The following TFIP11 variants were observed in gnomAD, a reference collection of about 807,000 sequenced individuals.
The protein encoded by TFIP11 is tuftelin-interacting protein 11.
Under a neutral mutation model 96.8 loss-of-function variants are expected in TFIP11, and 86 were observed. That is an observed-to-expected ratio of 0.89 (90% CI 0.75 to 1.06). The LOEUF is 1.06. Ranked by LOEUF, TFIP11 falls within the 50% of genes least tolerant of loss-of-function variation. The pLI is 0.00. For missense variants in TFIP11, 881 were observed against 1,076.7 expected, an observed-to-expected ratio of 0.82 and a Z score of 2.54; for synonymous variants, 405 against 395.2, an observed-to-expected ratio of 1.02 and a Z score of -0.29.
At chr22:26,496,413 C>G (rs1922053696) in intron 11 of TFIP11, 97 bp from the exon 12 acceptor site, 1 of 1,471,572 alleles carries the variant, frequency 6.8e-7, no homozygotes, top group Non-Finnish European at 9.1e-7. Context: ...TGGAGGAGGC[C>G]CTGTGCTCTC....
At chr22:26,510,407 G>T in intron 3 of TFIP11, 126 bp from the exon 4 acceptor site, 1 of 849,162 alleles carries the variant, frequency 1.2e-6, no homozygotes, top group Non-Finnish European at 1.8e-6. Context: ...ATTAAAGTCA[G>T]CATTACTATT....
rs1399689316 is a variant in TFIP11, at chr22:26,493,937, C to G, written c.2158+202G>C. The G allele has an allele frequency of 2.8e-5, 16 of 567,270 alleles. No homozygotes were observed. The South Asian group carries it at 3.1e-4, about 11-fold the overall frequency. The allele number at this position is 567,270 out of a possible 1,614,324, so 35.1% of individuals were successfully genotyped here. On this transcript the variant is annotated intron_variant, in intron 14 of 14. Coordinates refer to ENST00000407690, the MANE Select transcript of TFIP11 (RefSeq NM_012143.4). Reference sequence around the variant, plus strand: ...GTCTCCACTCAGGGAAGATGCCCCTCTCAGTCATGGTAGACCTGGGCAGTG... The same window carrying G: ...GTCTCCACTCAGGGAAGATGCCCCTGTCAGTCATGGTAGACCTGGGCAGTG...
intron 7 of TFIP11, among the ~76,000 whole-genome samples, chr22:26,502,559 C>T (rs908827026): frequency 6.6e-6 from 1 of 152,172 alleles, no homozygotes; most frequent in African/African-American, 2.4e-5. Flanking sequence ...CAGCCCAGGA[C>T]GGCTCTGAAT....
At chr22:26,499,922 G>C (rs1922570867) in intron 8 of TFIP11, among the ~76,000 whole-genome samples, 1 of 152,174 alleles carries the variant, frequency 6.6e-6, no homozygotes, top group South Asian at 2.1e-4. Context: ...AGTATTAGTA[G>C]ATGTGAAAAT....
At chr22:26,495,066 A>G in intron 12 of TFIP11, 127 bp from the exon 13 acceptor site, 1 of 1,268,408 alleles carries the variant, frequency 7.9e-7, no homozygotes, top group South Asian at 1.4e-5. Context: ...GGTTCAAGTG[A>G]CTCTTGTGCC....
intron 6 of TFIP11, 53 bp from the exon 7 acceptor site, chr22:26,503,846 G>GT: frequency 6.3e-7 from 1 of 1,597,590 alleles, no homozygotes; most frequent in Non-Finnish European, 8.5e-7. Context: ...AGCAATTCAT[G>GT]TATGTGAATC....
rs747412650 is a variant in TFIP11, at chr22:26,492,277, C to T, written c.2250G>A (p.Glu750=). Residue 750 remains glutamate (E), a synonymous_variant, in exon 15 of 15, where the codon GAG becomes GAA. Coordinates refer to ENST00000407690, the MANE Select transcript of TFIP11 (RefSeq NM_012143.4). ...RKDFQYEAMQ[E]RREAENMAQR... ...GAGCCATGTTCTCAGCCTCCCGCCT[C>T]TCCTGCATGGCCTCGTACTGGAAGT... The T allele has an allele frequency of 1.9e-6, 3 of 1,614,246 alleles. No individual in the cohort carries two copies. In the South Asian group the frequency reaches 3.3e-5, roughly 18 times the overall value.
At chr22:26,504,630 A>T (rs1351771340) in intron 6 of TFIP11, among the ~76,000 whole-genome samples, 2 of 152,156 alleles carry the variant, frequency 1.3e-5, no homozygotes, top group Admixed American at 1.3e-4. Flanking sequence ...ATGCCATGCC[A>T]TTGCACTCTA....
At position 26,503,678 on chromosome 22, in the gene TFIP11, T is replaced by C. The variant is rs576060276; in HGVS notation, c.636A>G (p.Glu212=). Residue 212 remains glutamate, a synonymous_variant, in exon 7 of 15, where the codon GAA becomes GAG. Transcript: ENST00000407690. ...GACTTCCAGTTACCTCTTCAGCTTC[T>C]TCCTCTGAGTCAACCACAGGGAAGT... The part of the protein sequence containing the change: ...MQDFPVVDSE[E]EAEEEFQKEL... 8 of 1,614,142 alleles carry C rather than the reference T, an allele frequency of 5.0e-6. No individual in the cohort carries two copies. In the East Asian group the frequency reaches 1.3e-4, roughly 27 times the overall value.
chr22:26,492,838 G>C (rs1188016761), intron 14 of TFIP11: 2 of 171,136 alleles, frequency 1.2e-5, no homozygotes, highest in African/African-American at 4.8e-5. Context: ...GCTGAAATGA[G>C]TGTTTAAAGG....
intron 2 of TFIP11, chr22:26,511,051 T>C (rs1923989400): frequency 6.6e-6 from 1 of 152,234 alleles, no homozygotes; most frequent in Admixed American, 6.5e-5. Flanking sequence ...GTCAGGGTTC[T>C]CTAGAGCGAC....
rs758342275 is a variant in TFIP11 at position 26,492,017 on chromosome 22, T to G, written c.2510A>C (p.Lys837Thr). ...TSLQSLIDMA[K>T] ...TGGTTCTGGACCTGCCACAGTTCAC[T>G]TGGCCATGTCGATCAGGCTCTGCAG... The change falls in exon 15 of 15, where the codon AAG becomes ACG. Residue 837 changes from lysine (K) to threonine (T), a missense_variant. Physicochemically the swap from Lys to Thr is moderately conservative, Grantham distance 78. Transcript: ENST00000407690. The G allele has an allele frequency of 1.3e-6, 2 of 1,592,660 alleles. No homozygotes were observed. The highest frequency in any genetic ancestry group is 1.7e-6 in the Non-Finnish European group (2 of 1,169,542).
At chr22:26,497,801 G>A (rs1344195567) in intron 10 of TFIP11, among the ~76,000 whole-genome samples, 5 of 151,636 alleles carry the variant, frequency 3.3e-5, no homozygotes, top group African/African-American at 2.4e-5. Context: ...GCTTGAACCC[G>A]GGAGGCAGAG....
chr22:26,498,238 G>A (rs559371661), intron 10 of TFIP11, among the ~76,000 whole-genome samples: 7 of 152,258 alleles, frequency 4.6e-5, no homozygotes, highest in African/African-American at 1.4e-4. Context: ...GGAAGGGGGT[G>A]AGGGATAAAA....
chr22:26,492,447 C>T (rs1457325910), intron 14 of TFIP11, 79 bp from the exon 15 acceptor site: 4 of 1,347,184 alleles, frequency 3.0e-6, no homozygotes, highest in Non-Finnish European at 4.2e-6. Context: ...TGGCCCAGGT[C>T]TTGGGTGTGC....
At chr22:26,494,988 C>T in intron 12 of TFIP11, 49 bp from the exon 13 acceptor site, 1 of 1,607,300 alleles carries the variant, frequency 6.2e-7, no homozygotes, top group Non-Finnish European at 8.5e-7. Flanking sequence ...ACTGGCAAAG[C>T]CAAAGAAGCA....
At chr22:26,501,810 CTAGCTAA>C in intron 8 of TFIP11, 83 bp downstream of exon 8, 1 of 727,674 alleles carries the variant, frequency 1.4e-6, no homozygotes, top group Non-Finnish European at 2.0e-6. Flanking sequence ...AAAAAAAAGC[CTAGCTAA>C]AAGATCCAAA....
At chr22:26,506,060 G>C in intron 6 of TFIP11, 1 of 365,596 alleles carries the variant, frequency 2.7e-6, no homozygotes, top group South Asian at 8.2e-5. Flanking sequence ...AAAAAAGCCT[G>C]TTTTCAACCT....
chr22:26,510,020 T>C (rs559080121), intron 4 of TFIP11, 44 bp downstream of exon 4: 1 of 1,602,554 alleles, frequency 6.2e-7, no homozygotes, highest in African/African-American at 1.3e-5. Flanking sequence ...ATCTTCCCCC[T>C]CTTCCCTAAA....
Sources: allele counts gnomAD v4.1 joint callset (sites outside exome capture counted in the v4.1 genomes callset), GRCh38; gene constraint gnomAD v4.1.1; transcripts MANE v1.5; gene names NCBI Gene and HGNC (gene_info 2026-07-23, HGNC 2026-07-21).